The following PRDM16 variants were observed in gnomAD, a reference collection of about 807,000 sequenced individuals.
The protein encoded by PRDM16 is PR/SET domain 16.
PRDM16 carries 23 observed loss-of-function variants against 110.6 expected under a neutral mutation model. That is an observed-to-expected ratio of 0.21 (90% CI 0.15 to 0.29). The LOEUF is 0.29. Among genes scored for constraint, PRDM16 ranks in the 10% least tolerant of loss-of-function variants. PRDM16 has a pLI of 1.00. For synonymous variants in PRDM16, 799 were observed against 781.8 expected (o/e 1.02, Z -0.37); for missense variants, 1,615 against 1,794.3 (o/e 0.90, Z 1.81).
chr1:3,383,171 T>G (rs1237220078), intron 3 of PRDM16, among the ~76,000 whole-genome samples: 1 of 152,176 alleles, frequency 6.6e-6, no homozygotes, highest in Non-Finnish European at 1.5e-5. Flanking sequence ...CTTGGGAGCA[T>G]TTCTGCCGCT....
At chr1:3,082,584 C>G (rs969242415) in intron 1 of PRDM16, among the ~76,000 whole-genome samples, 5 of 152,238 alleles carry the variant, frequency 3.3e-5, no homozygotes, top group Non-Finnish European at 5.9e-5. Context: ...AGGGTCACTC[C>G]TGGACTCCCT....
At chr1:3,361,500 T>G (rs1358595586) in intron 3 of PRDM16, among the ~76,000 whole-genome samples, 4 of 152,228 alleles carry the variant, frequency 2.6e-5, no homozygotes, top group Non-Finnish European at 5.9e-5. Context: ...GAAAAGGGTA[T>G]CTGTGGAACG....
rs568812848 is a variant in PRDM16 at position 3,213,606 on chromosome 1, C to T, written c.387+27132C>T. ...TTTCTCCGAGGAACAGGAGCAAGTGCGGCATTCTGGAGGGAGGTGGCACTT... is the reference window on the plus strand; with the variant it reads ...TTTCTCCGAGGAACAGGAGCAAGTGTGGCATTCTGGAGGGAGGTGGCACTT... On this transcript the variant is annotated intron_variant, in intron 2 of 16. Coordinates refer to ENST00000270722, the MANE Select transcript of PRDM16 (RefSeq NM_022114.4). The surrounding 1 kb of genome is among the most constrained non-coding windows in gnomAD (Gnocchi z 5.3). 1.4e-3 allele frequency among the ~76,000 whole-genome samples: 215 copies of T among 152,236 alleles called. No individual in the cohort carries two copies. The highest frequency in any genetic ancestry group is 3.5e-3 in the African/African-American group (146 of 41,518).
At chr1:3,313,026 T>C (rs1000507959) in intron 3 of PRDM16, among the ~76,000 whole-genome samples, 2 of 152,358 alleles carry the variant, frequency 1.3e-5, no homozygotes, top group Admixed American at 6.5e-5. Flanking sequence ...GTGTTCCCAG[T>C]TGGCGTTCAC....
intron 9 of PRDM16, among the ~76,000 whole-genome samples, chr1:3,413,675 G>A (rs1005149776): frequency 2.0e-5 from 3 of 152,162 alleles, no homozygotes; most frequent in Non-Finnish European, 2.9e-5. Flanking sequence ...GTCTTGCAAC[G>A]GGGTGGCAGG....
chr1:3,254,856 C>A (rs1640011007), intron 3 of PRDM16, among the ~76,000 whole-genome samples: 1 of 152,172 alleles, frequency 6.6e-6, no homozygotes, highest in African/African-American at 2.4e-5. Flanking sequence ...CAAGTCAATC[C>A]TAAGCCAAAA....
At chr1:3,136,498 G>A (rs905366796) in intron 1 of PRDM16, among the ~76,000 whole-genome samples, 3 of 152,292 alleles carry the variant, frequency 2.0e-5, no homozygotes, top group Admixed American at 6.5e-5. Flanking sequence ...ATTACAGAGC[G>A]GGGAGAAGCC....
intron 3 of PRDM16, among the ~76,000 whole-genome samples, chr1:3,293,138 G>A (rs991905544): frequency 2.0e-5 from 3 of 152,220 alleles, no homozygotes; most frequent in Admixed American, 6.5e-5. Flanking sequence ...GCACTTGGCC[G>A]GGGCTCAGAC....
intron 3 of PRDM16, among the ~76,000 whole-genome samples, chr1:3,371,546 C>CCCAT (rs1642909317): frequency 6.7e-6 from 1 of 149,710 alleles, no homozygotes; most frequent in Non-Finnish European, 1.5e-5. Flanking sequence ...CATCCACCCA[C>CCCAT]CCATCCATCC....
chr1:3,225,598 G>A lies in PRDM16; in HGVS notation c.388-18489G>A, dbSNP rs142298658. 6.4e-3 allele frequency among the ~76,000 whole-genome samples: 966 copies of A among 150,836 alleles called. 13 individuals carry two copies. The highest frequency in any genetic ancestry group is 0.023 in the African/African-American group (940 of 40,808). ...TGCGCGCGCGCAGAAGGAAGGAAAC[G>A]CAAGGAAGATCAGTTAAGGGATGAG... On this transcript the variant is annotated intron_variant, in intron 2 of 16. Transcript: ENST00000270722.
chr1:3,202,716 A>G (rs1179073182), intron 2 of PRDM16, among the ~76,000 whole-genome samples: 2 of 152,254 alleles, frequency 1.3e-5, no homozygotes, highest in Non-Finnish European at 2.9e-5. Flanking sequence ...AGATGCCTGC[A>G]TCACAGAGCC....
rs1638947684 is a variant in PRDM16, at chr1:3,213,516, C to T, written c.387+27042C>T. On this transcript the variant is annotated intron_variant, in intron 2 of 16. Transcript: ENST00000270722. The surrounding 1 kb of genome is among the most constrained non-coding windows in gnomAD (Gnocchi z 5.3). ...GGTGCCCCCCTGGGTTTGGTTGTGC[C>T]CGTGGGGGGTTGCTAGAGAGTCCTT... is the stretch of plus-strand genomic sequence containing the variant. Among the ~76,000 whole-genome samples, 1 of 152,164 alleles carries T rather than the reference C, an allele frequency of 6.6e-6. No homozygotes were observed. Among genetic ancestry groups the T allele is most frequent in the Admixed American group, 6.5e-5 (1 of 15,276 alleles).
At chr1:3,072,755 C>T (rs1641797359) in intron 1 of PRDM16, among the ~76,000 whole-genome samples, 1 of 152,202 alleles carries the variant, frequency 6.6e-6, no homozygotes, top group Non-Finnish European at 1.5e-5. Context: ...CCAGGACGTC[C>T]GGCGGGAATC....
At chr1:3,280,505 G>A (rs960766520) in intron 3 of PRDM16, among the ~76,000 whole-genome samples, 10 of 152,198 alleles carry the variant, frequency 6.6e-5, no homozygotes, top group South Asian at 2.1e-4. Context: ...TTTCATGTGC[G>A]GAGGGACGGC....
At chr1:3,321,318 G>A (rs1210852695) in intron 3 of PRDM16, among the ~76,000 whole-genome samples, 1 of 152,084 alleles carries the variant, frequency 6.6e-6, no homozygotes, top group Non-Finnish European at 1.5e-5. Flanking sequence ...CCATTTGTGT[G>A]TGGGTCCGTG....
chr1:3,276,597 G>T (rs1241130373), intron 3 of PRDM16, among the ~76,000 whole-genome samples: 1 of 152,172 alleles, frequency 6.6e-6, no homozygotes, highest in Non-Finnish European at 1.5e-5. Context: ...CCTAGAGGAA[G>T]CCCAGGGTTC....
intron 3 of PRDM16, among the ~76,000 whole-genome samples, chr1:3,273,918 G>A (rs1174399763): frequency 2.2e-5 from 3 of 135,888 alleles, no homozygotes. Flanking sequence ...TGGCATGTAA[G>A]TGTTGTGTGC....
chr1:3,400,987 G>A (rs980365730), intron 5 of PRDM16, among the ~76,000 whole-genome samples: 19 of 152,216 alleles, frequency 1.2e-4, no homozygotes, highest in East Asian at 3.9e-4. Flanking sequence ...GGGTGGGTGC[G>A]TGCCATCCAG....
intron 1 of PRDM16, among the ~76,000 whole-genome samples, chr1:3,140,835 T>A (rs1643535771): frequency 6.6e-6 from 1 of 152,216 alleles, no homozygotes; most frequent in Non-Finnish European, 1.5e-5. Context: ...ACGGATGGGC[T>A]TCCCTCGGCA....
Sources: allele counts gnomAD v4.1 joint callset (sites outside exome capture counted in the v4.1 genomes callset), GRCh38; gene constraint gnomAD v4.1.1; non-coding constraint Gnocchi (gnomAD v3.1); transcripts MANE v1.5; gene names NCBI Gene and HGNC (gene_info 2026-07-23, HGNC 2026-07-21).